The following GOLGB1 variants were observed in gnomAD, a reference collection of about 807,000 sequenced individuals.
GOLGB1 encodes golgin B1.
Under a neutral mutation model 336.9 loss-of-function variants are expected in GOLGB1, and 174 were observed. That is an observed-to-expected ratio of 0.52 (90% confidence interval 0.46 to 0.59). GOLGB1 has a LOEUF of 0.59. GOLGB1 is among the 20% of genes least tolerant of loss of function. GOLGB1 has a pLI of 0.00. For synonymous variants in GOLGB1, 1,208 were observed against 1,289.2 expected, an observed-to-expected ratio of 0.94 and a Z score of 1.35; for missense variants, 3,331 against 3,645.3, an observed-to-expected ratio of 0.91 and a Z score of 2.22.
intron 1 of GOLGB1, among the ~76,000 whole-genome samples, chr3:121,741,224 T>C (rs1000130276): frequency 3.3e-5 from 5 of 152,054 alleles, no homozygotes; most frequent in African/African-American, 9.7e-5. Flanking sequence ...GAGGCAAAAC[T>C]TGAGGCAATC....
At chr3:121,722,469 C>A in intron 5 of GOLGB1, 91 bp from the exon 6 acceptor site, 1 of 685,926 alleles carries the variant, frequency 1.5e-6, no homozygotes, top group South Asian at 1.8e-5. Context: ...CTTGCTTAAC[C>A]TAAATGCCTA....
rs1938244356 is a variant in GOLGB1, at chr3:121,663,973, C to T, written c.*507G>A. The T allele has an allele frequency of 6.3e-6, 1 of 158,008 alleles. No homozygotes were observed. The highest frequency in any genetic ancestry group is 2.4e-5 in the African/African-American group (1 of 41,516). 9.8% of individuals were successfully genotyped at this position (158,008 alleles called of 1,614,324 possible). A position where few individuals can be genotyped will look rare whatever the true frequency, so the allele number is the denominator to read the frequency against. On this transcript the variant is annotated 3_prime_UTR_variant, in exon 22 of 22. Transcript: ENST00000614479. ...TTTCACCACCCTATTCTGCAAGAGA[C>T]CTAAATCAGATGTCCTATGAGGTGA...
chr3:121,676,136 G>C (rs997104462), intron 17 of GOLGB1, among the ~76,000 whole-genome samples: 5 of 152,202 alleles, frequency 3.3e-5, no homozygotes, highest in African/African-American at 1.2e-4. Flanking sequence ...GTGTCAATTA[G>C]TTGAATTTAA....
rs1277335942 is a variant in GOLGB1, at chr3:121,664,544, A to G, written c.9731T>C (p.Leu3244Pro). The G allele has an allele frequency of 6.2e-7, 1 of 1,613,418 alleles. No homozygotes were observed. Among genetic ancestry groups the G allele is most frequent in the Non-Finnish European group, 8.5e-7 (1 of 1,179,394 alleles). The change falls in exon 22 of 22, where the codon CTA (leucine) becomes CCA (proline). Residue 3244 changes from leucine to proline, a missense_variant. Leu to Pro is a moderately conservative substitution (Grantham distance 98). Transcript: ENST00000614479. ...AATCATTAGAAAGTAGATGGCTGCT[A>G]GAAGTGGCACTCGGGTCCGTGAATG... The part of the protein sequence containing the change: ...LCHSRTRVPL[L>P]AAIYFLMIHV...
At position 121,693,996 on chromosome 3, in the gene GOLGB1, T is replaced by C. The variant is rs752616205; in HGVS notation, c.6527A>G (p.Lys2176Arg). 6.2e-7 allele frequency: 1 copy of C among 1,614,198 alleles called. No homozygotes were observed. Reference protein sequence around the residue: ...EIQVTLNKKDKEVQQLQENLD... With the variant: ...EIQVTLNKKDREVQQLQENLD... Reference sequence around the variant, plus strand: ...GTTTTCCTGAAGTTGCTGAACTTCCTTGTCTTTCTTGTTCAAAGTAACCTG... The same window carrying C: ...GTTTTCCTGAAGTTGCTGAACTTCCCTGTCTTTCTTGTTCAAAGTAACCTG... The change falls in exon 13 of 22, where the codon AAG (lysine) becomes AGG (arginine). Residue 2176 changes from lysine to arginine, a missense_variant. Physicochemically the swap from Lys to Arg is conservative, Grantham distance 26 (BLOSUM62 2). Transcript: ENST00000614479.
At chr3:121,677,213 C>G (rs78322216) in intron 16 of GOLGB1, 72 bp downstream of exon 16, 1 of 1,272,852 alleles carries the variant, frequency 7.9e-7, no homozygotes, top group South Asian at 1.4e-5. Flanking sequence ...AAAAAAAAAA[C>G]AAAACCCTGC....
intron 17 of GOLGB1, among the ~76,000 whole-genome samples, chr3:121,670,767 T>C (rs1046474887): frequency 1.7e-5 from 1 of 57,408 alleles, no homozygotes. Context: ...GGGGGGGGGG[T>C]GTGGGAGGAG....
chr3:121,744,135 ATAATAT>A (rs1947078103), intron 1 of GOLGB1, among the ~76,000 whole-genome samples: 1 of 151,740 alleles, frequency 6.6e-6, no homozygotes, highest in Non-Finnish European at 1.5e-5. Context: ...GATAATAATG[ATAATAT>A]TAATGGCAAC....
At chr3:121,706,733 C>CAAAAAAAAAAAAAAAA (rs1200925309) in intron 10 of GOLGB1, among the ~76,000 whole-genome samples, 1 of 16,158 alleles carries the variant, frequency 6.2e-5, no homozygotes, top group African/African-American at 2.6e-4. Flanking sequence ...GACTCTGTCT[C>CAAAAAAAAAAAAAAAA]AAAAAAAAAA....
chr3:121,709,730 T>C (rs1248133006), intron 10 of GOLGB1, among the ~76,000 whole-genome samples: 1 of 152,124 alleles, frequency 6.6e-6, no homozygotes, highest in Non-Finnish European at 1.5e-5. Flanking sequence ...TTGAAATCTT[T>C]GATACAAAGT....
At chr3:121,679,805 C>T (rs1940859348) in intron 15 of GOLGB1, among the ~76,000 whole-genome samples, 1 of 152,194 alleles carries the variant, frequency 6.6e-6, no homozygotes, top group African/African-American at 2.4e-5. Context: ...TCCTCCCCCA[C>T]TCCCACTGTG....
intron 7 of GOLGB1, 100 bp from the exon 8 acceptor site, chr3:121,718,601 G>T: frequency 1.2e-6 from 1 of 869,092 alleles, no homozygotes; most frequent in Non-Finnish European, 1.8e-6. Context: ...TAAATTTTGG[G>T]GTGTTGAAAA....
intron 9 of GOLGB1, among the ~76,000 whole-genome samples, chr3:121,715,705 T>C (rs1448316621): frequency 6.6e-6 from 1 of 152,068 alleles, no homozygotes; most frequent in African/African-American, 2.4e-5. Flanking sequence ...CCTTCAAAAC[T>C]GTCTGGCTAG....
rs532260658 is a variant in GOLGB1, at chr3:121,733,052, G to C, written c.-2-2079C>G. Among the ~76,000 whole-genome samples the C allele has an allele frequency of 2.6e-5, 4 of 151,996 alleles. 1 individual carries two copies. In the South Asian group the frequency reaches 8.3e-4, roughly 32 times the overall value. Reference sequence around the variant, plus strand: ...TAAAAGTCAACTGCAGGCCAGGTGCGGTAGCTCACGCCTGTAATCCCAGCA... The same window carrying C: ...TAAAAGTCAACTGCAGGCCAGGTGCCGTAGCTCACGCCTGTAATCCCAGCA... On this transcript the variant is annotated intron_variant, in intron 1 of 21. Coordinates refer to ENST00000614479, the MANE Select transcript of GOLGB1 (RefSeq NM_001366282.2).
Position 121,685,864 on chromosome 3 carries a change from CAAA to C in GOLGB1, c.8695-4002_8695-4000del, listed in dbSNP as rs1941671102. Among the ~76,000 whole-genome samples, 4 of 152,144 alleles carry C rather than the reference CAAA, an allele frequency of 2.6e-5. No individual in the cohort carries two copies. The South Asian group carries it at 8.3e-4, about 32-fold the overall frequency. ...GGGTCATATAACTTTATTTTTAACC[CAAA>C]CCCCAAAACATATTTTTGTTTTGAT... On this transcript the variant is annotated intron_variant, in intron 14 of 21. Coordinates refer to ENST00000614479, the MANE Select transcript of GOLGB1 (RefSeq NM_001366282.2).
At position 121,695,442 on chromosome 3, in the gene GOLGB1, A is replaced by T; in HGVS notation, c.5081T>A (p.Ile1694Asn). ...RKFAKSKQQK[I>N]LELEEENDRL... ...GTCATTCTCTTCTTCCAGCTCTAGG[A>T]TTTTCTGCTGTTTAGATTTAGCAAA... Residue 1694 changes from isoleucine to asparagine, a missense_variant, in exon 13 of 22, where the codon ATC (isoleucine) becomes AAC (asparagine). Ile to Asn is a moderately radical substitution (Grantham distance 149). Coordinates refer to ENST00000614479, the MANE Select transcript of GOLGB1 (RefSeq NM_001366282.2). 1.2e-6 allele frequency: 2 copies of T among 1,613,282 alleles called. No individual in the cohort carries two copies. The highest frequency in any genetic ancestry group is 1.7e-6 in the Non-Finnish European group (2 of 1,179,786).
At chr3:121,665,232 A>G (rs1028982711) in intron 20 of GOLGB1, among the ~76,000 whole-genome samples, 7 of 152,226 alleles carry the variant, frequency 4.6e-5, no homozygotes, top group Non-Finnish European at 1.0e-4. Flanking sequence ...GACAATAACT[A>G]TCAGGAATTG....
At chr3:121,675,493 G>A (rs2107619335) in intron 17 of GOLGB1, among the ~76,000 whole-genome samples, 1 of 152,308 alleles carries the variant, frequency 6.6e-6, no homozygotes, top group South Asian at 2.1e-4. Context: ...TACACAGCAT[G>A]AGAGTGGAAA....
At chr3:121,664,693 A>C (rs1938351589) in intron 21 of GOLGB1, 79 bp from the exon 22 acceptor site, 1 of 1,391,062 alleles carries the variant, frequency 7.2e-7, no homozygotes. Context: ...TCTTGCACTT[A>C]AGCAAAGCTG....
Sources: gnomAD v4.1 joint callset for allele counts (sites outside exome capture counted in the v4.1 genomes callset) on GRCh38, gnomAD v4.1.1 for gene constraint, MANE v1.5 for transcripts, NCBI Gene and HGNC (gene_info 2026-07-23, HGNC 2026-07-21) for gene names.